Variants in MROH1 observed in about 807,000 individuals in gnomAD.
MROH1 encodes maestro heat like repeat family member 1, also known as maestro heat-like repeat-containing protein family member 1.
A neutral mutation model predicts 116.5 loss-of-function variants in MROH1; 117 were observed. The ratio of observed to expected loss-of-function variants is 1.00; its 90% CI spans 0.86 to 1.17. MROH1 has a LOEUF of 1.17. MROH1 is among the 50% of genes most tolerant of loss of function. MROH1 has a pLI of 0.00. For missense variants in MROH1, 1,873 were observed against 1,338.5 expected (o/e 1.40, Z -6.23); for synonymous variants, 921 against 583.9 (o/e 1.58, Z -8.32).
Position 144,180,566 on chromosome 8 carries a change from G to GT in MROH1, c.562+44dup. On this transcript the variant is annotated intron_variant, in intron 7 of 43. Transcript: ENST00000326134. The surrounding 1 kb of genome is among the most constrained non-coding windows in gnomAD (Gnocchi z 7.4). ...CACCTTCTGTCTCAAGTGCCCCTTTGTGGGGGGCTGTTCCCGGGCATGCCT... is the reference window on the plus strand; with the variant it reads ...CACCTTCTGTCTCAAGTGCCCCTTTGTTGGGGGGCTGTTCCCGGGCATGCCT... 6.4e-7 allele frequency: 1 copy of GT among 1,568,714 alleles called. No homozygotes were observed. Among genetic ancestry groups the GT allele is most frequent in the Non-Finnish European group, 8.7e-7 (1 of 1,149,702 alleles).
intron 31 of MROH1, among the ~76,000 whole-genome samples, chr8:144,247,968 G>A (rs1226543283): frequency 1.3e-5 from 2 of 152,262 alleles, no homozygotes; most frequent in African/African-American, 4.8e-5. Flanking sequence ...AGGCACAGCC[G>A]CCCTCTGTCT....
rs1172722153 is a variant in MROH1 at position 144,259,280 on chromosome 8, C to T, written c.3970C>T (p.Leu1324=). 2 of 714,958 alleles carry T rather than the reference C, an allele frequency of 2.8e-6. No individual in the cohort carries two copies. The highest frequency in any genetic ancestry group is 5.2e-6 in the Non-Finnish European group (2 of 384,888). The allele number at this position is 714,958 out of a possible 1,614,324, so 44.3% of individuals were successfully genotyped here. The change falls in exon 37 of 44, where the codon CTG becomes TTG. Residue 1324 remains leucine, a synonymous_variant. Coordinates refer to ENST00000326134, the MANE Select transcript of MROH1 (RefSeq NM_032450.3). ...CGCAGGGCCCCGACTCCCCCTGGTGCTGAAGACGCTGGCATGCACACACAG... is the reference window on the plus strand; with the variant it reads ...CGCAGGGCCCCGACTCCCCCTGGTGTTGAAGACGCTGGCATGCACACACAG... ...EHAGPRLPLV[L]KTLACTHSSA... is the part of the protein sequence containing the mutation.
intron 43 of MROH1, 54 bp from the exon 44 acceptor site, chr8:144,261,601 G>T: frequency 1.4e-6 from 1 of 701,278 alleles, no homozygotes; most frequent in Non-Finnish European, 2.6e-6. Context: ...CCACGCGCAG[G>T]CATGGGCATG....
intron 3 of MROH1, 103 bp from the exon 4 acceptor site, chr8:144,168,192 A>T: frequency 7.5e-7 from 1 of 1,328,728 alleles, no homozygotes; most frequent in Non-Finnish European, 1.0e-6. Context: ...TGTGTCTGTG[A>T]TCCTCAGAGG....
chr8:144,241,282 A>G (rs1299827159), intron 21 of MROH1, 113 bp from the exon 22 acceptor site: 5 of 696,248 alleles, frequency 7.2e-6, no homozygotes, highest in Non-Finnish European at 1.3e-5. Context: ...ATGTGTGTGC[A>G]AGTGTGCGCA....
chr8:144,163,681 TTG>T lies in MROH1; in HGVS notation c.-56-86_-56-85del, dbSNP rs1820095629. 1 of 781,780 alleles carries T rather than the reference TTG, an allele frequency of 1.3e-6. No homozygotes were observed. The highest frequency in any genetic ancestry group is 2.8e-5 in the East Asian group (1 of 36,010). 48.4% of individuals were successfully genotyped at this position (781,780 alleles called of 1,614,324 possible). A position where few individuals can be genotyped will look rare whatever the true frequency, so the allele number is the denominator to read the frequency against. On this transcript the variant is annotated intron_variant, in intron 2 of 43. Coordinates refer to ENST00000326134, the MANE Select transcript of MROH1 (RefSeq NM_032450.3). The surrounding 1 kb of genome is among the most constrained non-coding windows in gnomAD (Gnocchi z 4.4). Reference sequence around the variant, plus strand: ...TTCCCCCAGAATAAATTCATTTAAATTGTGTATTTTACATGGAAATGGTAATT... The same window carrying T: ...TTCCCCCAGAATAAATTCATTTAAATTGTATTTTACATGGAAATGGTAATT...
rs1166729715 is a variant in MROH1 at position 144,199,219 on chromosome 8, T to G, written c.1027+19T>G. On this transcript the variant is annotated intron_variant, in intron 11 of 43. Transcript: ENST00000326134. ...GTGCTGGGTGAGTGGTGGGCCCAGCTTTGCCCATGGGCATCTGTGGACACT... is the reference window on the plus strand; with the variant it reads ...GTGCTGGGTGAGTGGTGGGCCCAGCGTTGCCCATGGGCATCTGTGGACACT... The G allele has an allele frequency of 6.2e-7, 1 of 1,608,544 alleles. No homozygotes were observed. The highest frequency in any genetic ancestry group is 2.2e-5 in the East Asian group (1 of 44,732).
chr8:144,215,487 CA>C (rs1216689715), intron 12 of MROH1, among the ~76,000 whole-genome samples: 1 of 152,224 alleles, frequency 6.6e-6, no homozygotes, highest in Non-Finnish European at 1.5e-5. Flanking sequence ...CTGGAGGAAT[CA>C]CTTTAAAAAG....
At chr8:144,154,937 C>T (rs965652850) in intron 1 of MROH1, among the ~76,000 whole-genome samples, 2 of 152,202 alleles carry the variant, frequency 1.3e-5, no homozygotes, top group African/African-American at 4.8e-5. Context: ...TCTGCCTCAG[C>T]CTCCCGAGTA....
intron 33 of MROH1, chr8:144,252,174 TC>T (rs1332193709): frequency 2.1e-4 from 36 of 170,300 alleles, no homozygotes; most frequent in Admixed American, 3.8e-4. Context: ...CTTTGAATGT[TC>T]CTGGGAGTGT....
chr8:144,259,256 G>A lies in MROH1; in HGVS notation c.3946G>A (p.Ala1316Thr), dbSNP rs1050044720. Reference protein sequence around the residue: ...TRLARAMAEHAGPRLPLVLKT... With the variant: ...TRLARAMAEHTGPRLPLVLKT... ...CTTTCCCAGGGCCATGGCTGAGCACGCAGGGCCCCGACTCCCCCTGGTGCT... is the reference window on the plus strand; with the variant it reads ...CTTTCCCAGGGCCATGGCTGAGCACACAGGGCCCCGACTCCCCCTGGTGCT... The change falls in exon 37 of 44, where the codon GCA (alanine) becomes ACA (threonine). Residue 1316 changes from alanine to threonine, a missense_variant. By Grantham distance (58) the Ala-to-Thr change is moderately conservative. Coordinates refer to ENST00000326134, the MANE Select transcript of MROH1 (RefSeq NM_032450.3). 3.6e-3 allele frequency: 2,582 copies of A among 714,216 alleles called. 8 individuals are homozygous for A. Among genetic ancestry groups the A allele is most frequent in the Non-Finnish European group, 5.6e-3 (2,142 of 384,850 alleles). 44.2% of individuals were successfully genotyped at this position (714,216 alleles called of 1,614,324 possible).
At position 144,253,330 on chromosome 8, in the gene MROH1, G is replaced by A. The variant is rs1248855650; in HGVS notation, c.3429-1483G>A. Among the ~76,000 whole-genome samples, 19 of 152,354 alleles carry A rather than the reference G, an allele frequency of 1.2e-4. No homozygotes were observed. In the East Asian group the frequency reaches 1.9e-3, roughly 15 times the overall value. On this transcript the variant is annotated intron_variant, in intron 33 of 43. Transcript: ENST00000326134. The stretch of plus-strand genomic sequence containing the variant: ...TGAGTTAAAGCTTCCGGAAGCAGCC[G>A]CTCCGTCCACTTCCACGCTGTCTGT...
At chr8:144,218,937 C>A (rs955020841) in intron 12 of MROH1, among the ~76,000 whole-genome samples, 1 of 128,748 alleles carries the variant, frequency 7.8e-6, no homozygotes, top group East Asian at 2.3e-4. Context: ...TGGGCTCAAG[C>A]GATTCTTGTG....
At position 144,156,278 on chromosome 8, in the gene MROH1, C is replaced by T. The variant is rs1259576345; in HGVS notation, c.-176-4692C>T. Reference sequence around the variant, plus strand: ...AAAAAAAAAAAAGTTGAGCAGGTTTCCTTCTCTTCCTAGTTAAGGTAGTTC... The same window carrying T: ...AAAAAAAAAAAAGTTGAGCAGGTTTTCTTCTCTTCCTAGTTAAGGTAGTTC... On this transcript the variant is annotated intron_variant, in intron 1 of 43. Transcript: ENST00000326134. Among the ~76,000 whole-genome samples the T allele has an allele frequency of 2.7e-5, 4 of 150,394 alleles. No individual in the cohort carries two copies. In the South Asian group the frequency reaches 6.3e-4, roughly 24 times the overall value.
At chr8:144,208,007 G>A (rs1262679369) in intron 12 of MROH1, among the ~76,000 whole-genome samples, 1 of 150,026 alleles carries the variant, frequency 6.7e-6, no homozygotes, top group Non-Finnish European at 1.5e-5. Flanking sequence ...GTGCAGTGGT[G>A]CGATCTCAGC....
Position 144,163,946 on chromosome 8 carries a change from A to G in MROH1, c.22+98A>G. ...GCTCTTACCAGCTCCAATGGTGCCT[A>G]GAGTTTCCACCCTATACTCGGGAGC... On this transcript the variant is annotated intron_variant, in intron 3 of 43. Transcript: ENST00000326134. The surrounding 1 kb of genome is among the most constrained non-coding windows in gnomAD (Gnocchi z 4.4). 1.5e-6 allele frequency: 2 copies of G among 1,350,448 alleles called. No individual in the cohort carries two copies. The highest frequency in any genetic ancestry group is 2.1e-6 in the Non-Finnish European group (2 of 958,504). 83.7% of individuals were successfully genotyped at this position (1,350,448 alleles called of 1,614,324 possible).
chr8:144,186,498 G>A (rs1032503382), intron 7 of MROH1, among the ~76,000 whole-genome samples: 31 of 152,074 alleles, frequency 2.0e-4, no homozygotes, highest in African/African-American at 4.3e-4. Flanking sequence ...TGCCCTCCCC[G>A]TCCATGCCCC....
intron 14 of MROH1, among the ~76,000 whole-genome samples, chr8:144,227,861 G>A (rs1007103069): frequency 2.6e-5 from 4 of 152,178 alleles, no homozygotes; most frequent in Non-Finnish European, 1.5e-5. Flanking sequence ...GCTGAGGTGG[G>A]AGGATCATTT....
At chr8:144,196,738 A>C (rs1564450570) in intron 10 of MROH1, among the ~76,000 whole-genome samples, 1 of 152,124 alleles carries the variant, frequency 6.6e-6, no homozygotes, top group Non-Finnish European at 1.5e-5. Flanking sequence ...TTTCCAGATG[A>C]ATACTCATTT....
Sources: gnomAD v4.1 joint callset for allele counts (sites outside exome capture counted in the v4.1 genomes callset) on GRCh38, gnomAD v4.1.1 for gene constraint, Gnocchi (gnomAD v3.1) non-coding constraint, MANE v1.5 for transcripts, NCBI Gene and HGNC (gene_info 2026-07-23, HGNC 2026-07-21) for gene names.